CYSLTR2: variants seen among roughly 807,000 people sequenced by gnomAD.
CYSLTR2 encodes the protein G-protein coupled receptor GPCR21.
For missense variants in CYSLTR2, 398 were observed against 411.9 expected, an observed-to-expected ratio of 0.97 and a Z score of 0.29; for synonymous variants, 179 against 160.8, an observed-to-expected ratio of 1.11 and a Z score of -0.86.
At chr13:48,697,619 A>T (rs901377716) in intron 4 of CYSLTR2, among the ~76,000 whole-genome samples, 3 of 152,240 alleles carry the variant, frequency 2.0e-5, no homozygotes, top group Admixed American at 1.3e-4. Context: ...CCTCCAAAGG[A>T]ATGCAGCTCC....
rs1011427715 is a variant in CYSLTR2 at position 48,707,093 on chromosome 13, C to T, written c.276C>T (p.Pro92=). 1.9e-6 allele frequency: 3 copies of T among 1,614,062 alleles called. No individual in the cohort carries two copies. The highest frequency in any genetic ancestry group is 1.3e-5 in the African/African-American group (1 of 74,926). The part of the protein sequence containing the change: ...ISDLLFISTL[P]FRADYYLRGS... ...ATCTCCTGTTCATAAGCACGCTTCC[C>T]TTCAGGGCTGACTATTATCTTAGAG... Residue 92 remains proline (P), a synonymous_variant, in exon 5 of 5, where the codon CCC becomes CCT. Transcript: ENST00000682523.
chr13:48,711,133 A>T lies in CYSLTR2; in HGVS notation c.*3275A>T, dbSNP rs1482548410. 6.6e-6 allele frequency: 1 copy of T among 152,136 alleles called. No homozygotes were observed. The highest frequency in any genetic ancestry group is 2.4e-5 in the African/African-American group (1 of 41,424). The allele number at this position is 152,136 out of a possible 1,614,324, so 9.4% of individuals were successfully genotyped here. On this transcript the variant is annotated 3_prime_UTR_variant, in exon 5 of 5. Coordinates refer to ENST00000682523, the MANE Select transcript of CYSLTR2 (RefSeq NM_001308476.3). ...GCTGGGGTGGGAGGATAGGGTGGGGACTTATTTTACGAACTGTGTAATTGC... is the reference window on the plus strand; with the variant it reads ...GCTGGGGTGGGAGGATAGGGTGGGGTCTTATTTTACGAACTGTGTAATTGC...
intron 1 of CYSLTR2, among the ~76,000 whole-genome samples, chr13:48,659,075 T>C (rs921200457): frequency 2.7e-5 from 4 of 149,052 alleles, no homozygotes; most frequent in African/African-American, 4.9e-5. Flanking sequence ...AAGGAGGAAG[T>C]TGATGGAGGC....
intron 1 of CYSLTR2, among the ~76,000 whole-genome samples, chr13:48,665,870 C>T (rs966738593): frequency 1.7e-4 from 26 of 151,880 alleles, no homozygotes; most frequent in Admixed American, 5.3e-4. Context: ...TTCTTTTCTG[C>T]TTGTTTTGTG....
chr13:48,693,560 G>A (rs1287845596), intron 3 of CYSLTR2, 50 bp downstream of exon 3: 4 of 151,308 alleles, frequency 2.6e-5, no homozygotes, highest in African/African-American at 7.3e-5. Flanking sequence ...GAGAGGAGGG[G>A]GAATAGAGGG....
At chr13:48,682,713 T>C (rs977531900) in intron 1 of CYSLTR2, among the ~76,000 whole-genome samples, 1 of 152,170 alleles carries the variant, frequency 6.6e-6, no homozygotes, top group Non-Finnish European at 1.5e-5. Flanking sequence ...ACAGAACTAA[T>C]AGGGAACTAA....
intron 3 of CYSLTR2, chr13:48,694,581 T>C (rs1006026625): frequency 2.6e-5 from 4 of 152,216 alleles, no homozygotes; most frequent in African/African-American, 9.6e-5. Context: ...GTCCCACATG[T>C]ATGCATCATT....
chr13:48,695,267 TTTTCTTTTTTTC>T lies in CYSLTR2; in HGVS notation c.-102-1258_-102-1247del, dbSNP rs1405374652. Among the ~76,000 whole-genome samples the T allele has an allele frequency of 2.1e-4, 32 of 150,048 alleles. No homozygotes were observed. In the Admixed American group the frequency reaches 2.3e-3, roughly 11 times the overall value. ...TCTTTTTCATTTTCTTTTTTTTTCC[TTTTCTTTTTTTC>T]CTTCTTTCCTTCTTCTCTTTCTTCT... On this transcript the variant is annotated intron_variant, in intron 3 of 4. Transcript: ENST00000682523.
At chr13:48,690,595 G>T (rs1337710336) in intron 1 of CYSLTR2, among the ~76,000 whole-genome samples, 1 of 152,164 alleles carries the variant, frequency 6.6e-6, no homozygotes, top group African/African-American at 2.4e-5. Context: ...TGCATGCCAG[G>T]GCTGAAGCCA....
intron 1 of CYSLTR2, among the ~76,000 whole-genome samples, chr13:48,668,207 G>C (rs1953316586): frequency 6.6e-6 from 1 of 151,942 alleles, no homozygotes; most frequent in Non-Finnish European, 1.5e-5. Flanking sequence ...TTAGGCTGCA[G>C]TAGTTTTTAT....
intron 1 of CYSLTR2, among the ~76,000 whole-genome samples, chr13:48,685,505 G>A (rs1433051525): frequency 1.3e-5 from 2 of 152,140 alleles, no homozygotes; most frequent in Non-Finnish European, 2.9e-5. Flanking sequence ...ATAAATTTCT[G>A]TTGTTTTAAG....
At chr13:48,661,085 TTTTA>T (rs944090259) in intron 1 of CYSLTR2, among the ~76,000 whole-genome samples, 3 of 152,146 alleles carry the variant, frequency 2.0e-5, no homozygotes, top group East Asian at 1.9e-4. Flanking sequence ...TACCCCTTTC[TTTTA>T]TTTATTTATT....
At chr13:48,670,167 C>T (rs1593950548) in intron 1 of CYSLTR2, among the ~76,000 whole-genome samples, 3 of 152,206 alleles carry the variant, frequency 2.0e-5, no homozygotes, top group Admixed American at 6.5e-5. Context: ...CTTGTAGATT[C>T]TGGATATTAG....
At chr13:48,684,488 G>C (rs1424673266) in intron 1 of CYSLTR2, among the ~76,000 whole-genome samples, 1 of 151,716 alleles carries the variant, frequency 6.6e-6, no homozygotes, top group Non-Finnish European at 1.5e-5. Flanking sequence ...TATGTCATCA[G>C]CTCATCCTTG....
At chr13:48,667,806 A>G (rs920038526) in intron 1 of CYSLTR2, among the ~76,000 whole-genome samples, 5 of 152,224 alleles carry the variant, frequency 3.3e-5, no homozygotes, top group African/African-American at 7.2e-5. Flanking sequence ...TAAAGTTATT[A>G]GATAAACATA....
At chr13:48,681,513 T>C (rs1325298573) in intron 1 of CYSLTR2, among the ~76,000 whole-genome samples, 5 of 152,168 alleles carry the variant, frequency 3.3e-5, no homozygotes, top group African/African-American at 1.2e-4. Context: ...CCCAATGAGG[T>C]CTGCCTTCCT....
chr13:48,704,090 T>C (rs1954418849), intron 4 of CYSLTR2, among the ~76,000 whole-genome samples: 1 of 152,248 alleles, frequency 6.6e-6, no homozygotes, highest in Middle Eastern at 3.2e-3. Flanking sequence ...GTTTTATTCC[T>C]GACAATGGAA....
chr13:48,698,635 A>G lies in CYSLTR2; in HGVS notation c.-2+2009A>G, dbSNP rs151334081. ...CAACTAACAAGCAAAATAACCAGCTAACATCATAATAACAAGATCAAATTC... is the reference window on the plus strand; with the variant it reads ...CAACTAACAAGCAAAATAACCAGCTGACATCATAATAACAAGATCAAATTC... On this transcript the variant is annotated intron_variant, in intron 4 of 4. Transcript: ENST00000682523. Among the ~76,000 whole-genome samples, 106 of 152,368 alleles carry G rather than the reference A, an allele frequency of 7.0e-4. 1 individual carries two copies. In the East Asian group the frequency reaches 0.014, roughly 20 times the overall value.
intron 4 of CYSLTR2, among the ~76,000 whole-genome samples, chr13:48,702,610 G>C (rs1266348588): frequency 6.6e-6 from 1 of 152,114 alleles, no homozygotes; most frequent in Non-Finnish European, 1.5e-5. Context: ...GCATAGTTAT[G>C]TGGGTCTGTT....
Sources: gnomAD v4.1 joint callset for allele counts (sites outside exome capture counted in the v4.1 genomes callset) on GRCh38, gnomAD v4.1.1 for gene constraint, MANE v1.5 for transcripts, NCBI Gene and HGNC (gene_info 2026-07-23, HGNC 2026-07-21) for gene names.